The following SASH1 variants were observed in gnomAD, a reference collection of about 807,000 sequenced individuals.
SASH1 encodes SAM and SH3 domain-containing protein 1.
In SASH1, 44 loss-of-function variants were observed where a neutral mutation model predicts 125.2. The observed-to-expected ratio is 0.35, with a 90% confidence interval of 0.28 to 0.45. The LOEUF (loss-of-function observed/expected upper bound fraction) is 0.45, where lower values mean the gene tolerates loss of function less well. SASH1 is among the 20% of genes least tolerant of loss of function. The probability of loss-of-function intolerance (pLI) is 1.00; values close to 1 mark genes in which losing one functional copy is unlikely to be tolerated. For synonymous variants in SASH1, 639 were observed against 649.1 expected (o/e 0.98, Z 0.24); for missense variants, 1,426 against 1,614.5 (o/e 0.88, Z 2.00).
chr6:148,405,665 C>T (rs546752571), intron 2 of SASH1, among the ~76,000 whole-genome samples: 11 of 152,228 alleles, frequency 7.2e-5, no homozygotes, highest in African/African-American at 2.4e-4. Flanking sequence ...CTGCCTCTAC[C>T]GCCCAGATGA....
At chr6:148,455,624 A>C (rs1438585403) in intron 4 of SASH1, among the ~76,000 whole-genome samples, 1 of 152,194 alleles carries the variant, frequency 6.6e-6, no homozygotes, top group African/African-American at 2.4e-5. Context: ...GGAATTTAAA[A>C]ATGAGATCTG....
intron 7 of SASH1, among the ~76,000 whole-genome samples, chr6:148,485,790 C>T (rs1485680930): frequency 1.3e-5 from 2 of 152,206 alleles, no homozygotes; most frequent in Non-Finnish European, 2.9e-5. Context: ...GGCGCTACCA[C>T]ATCCTCAAGC....
chr6:148,356,311 C>T (rs1193244464), intron 1 of SASH1, among the ~76,000 whole-genome samples: 1 of 151,834 alleles, frequency 6.6e-6, no homozygotes, highest in Admixed American at 6.6e-5. Flanking sequence ...TCTCGAACTC[C>T]TGACCTTAGG....
At chr6:148,364,131 C>T (rs528401444) in intron 1 of SASH1, among the ~76,000 whole-genome samples, 1 of 152,322 alleles carries the variant, frequency 6.6e-6, no homozygotes, top group East Asian at 1.9e-4. Context: ...TGGTCCATTA[C>T]TGCCCATTAC....
At position 148,292,109 on chromosome 6, in the gene SASH1, G is replaced by A. The variant is rs569462139; in HGVS notation, n.74+19732G>A. Among the ~76,000 whole-genome samples, 6 of 152,316 alleles carry A rather than the reference G, an allele frequency of 3.9e-5. No homozygotes were observed. The South Asian group carries it at 1.0e-3, about 26-fold the overall frequency. On this transcript the variant is annotated intron_variant and non_coding_transcript_variant, in intron 1 of 3. Transcript: ENST00000367469. The stretch of plus-strand genomic sequence containing the variant: ...CTTTGTCAAATGTACTTAATGAAGT[G>A]TTTTTCAGGGTTACTTGAGATTAGA...
At chr6:148,352,415 A>G (rs1441625820) in intron 1 of SASH1, among the ~76,000 whole-genome samples, 2 of 151,678 alleles carry the variant, frequency 1.3e-5, no homozygotes, top group African/African-American at 2.4e-5. Flanking sequence ...TGGCCAACAT[A>G]GTGAAACCCC....
upstream of SASH1, among the ~76,000 whole-genome samples, chr6:148,339,595 C>T (rs953143782): frequency 3.3e-5 from 5 of 151,894 alleles, no homozygotes; most frequent in Admixed American, 6.6e-5. Flanking sequence ...CTCGCTCTGT[C>T]GTCCAGGCTG....
chr6:148,317,112 A>G (rs1031680334), intron 1 of SASH1, among the ~76,000 whole-genome samples: 2 of 152,208 alleles, frequency 1.3e-5, no homozygotes, highest in Non-Finnish European at 2.9e-5. Context: ...TGGAAAATCT[A>G]GAGATGAATA....
At chr6:148,296,134 T>C (rs1779756823) in intron 1 of SASH1, among the ~76,000 whole-genome samples, 1 of 151,888 alleles carries the variant, frequency 6.6e-6, no homozygotes, top group Non-Finnish European at 1.5e-5. Flanking sequence ...GTTTTTGTTG[T>C]TGTTGTTTTG....
Position 148,544,273 on chromosome 6 carries a change from C to T in SASH1, c.2803C>T (p.Gln935Ter), listed in dbSNP as rs777202918. 1 of 1,614,174 alleles carries T rather than the reference C, an allele frequency of 6.2e-7. No individual in the cohort carries two copies. Among genetic ancestry groups the T allele is most frequent in the East Asian group, 2.2e-5 (1 of 44,868 alleles). ...PQCLPRNYDAQPPGAKHGLAR... is the reference protein window; with the variant it reads ...PQCLPRNYDA The stretch of plus-strand genomic sequence containing the variant: ...GTGTTTGCCCAGAAACTATGATGCT[C>T]AGCCTCCTGGAGCTAAACACGGTTT... The change falls in exon 18 of 20, where the codon CAG becomes TAG. Residue 935 changes from glutamine (Q) to a stop codon, truncating the protein, a stop_gained. Transcript: ENST00000367467. LOFTEE classifies it high-confidence loss of function. This position sits in a 1 kb window ranked among gnomAD's most constrained non-coding sequence, Gnocchi z 6.4.
chr6:148,289,144 A>G (rs1003000731), intron 1 of SASH1, among the ~76,000 whole-genome samples: 1 of 152,032 alleles, frequency 6.6e-6, no homozygotes, highest in African/African-American at 2.4e-5. Context: ...ACTGTGTAAA[A>G]CGAAACAAAA....
chr6:148,302,524 T>G (rs1300829514), intron 1 of SASH1, among the ~76,000 whole-genome samples: 1 of 151,348 alleles, frequency 6.6e-6, no homozygotes, highest in Non-Finnish European at 1.5e-5. Context: ...CTCTGCTGTT[T>G]TTGTTACTTC....
chr6:148,484,997 T>C (rs41499949), intron 7 of SASH1, among the ~76,000 whole-genome samples: 10,275 of 152,060 alleles, frequency 0.068, 450 homozygotes, highest in Non-Finnish European at 0.097. Context: ...GGCACAGAAT[T>C]AAAATCTCTT....
chr6:148,256,126 A>G, the SASH1 span, among the ~76,000 whole-genome samples: 1 of 152,194 alleles, frequency 6.6e-6, no homozygotes, highest in Admixed American at 6.5e-5. Context: ...AGTTGGTCCC[A>G]TAGAAAATTT....
chr6:148,315,672 G>A (rs570348794), intron 1 of SASH1, among the ~76,000 whole-genome samples: 4 of 152,302 alleles, frequency 2.6e-5, no homozygotes, highest in African/African-American at 9.6e-5. Flanking sequence ...GGGAGGCCCA[G>A]GCGAGAGGAT....
intron 17 of SASH1, among the ~76,000 whole-genome samples, chr6:148,541,479 C>T (rs1162906601): frequency 1.3e-5 from 2 of 151,974 alleles, no homozygotes; most frequent in African/African-American, 4.8e-5. Context: ...TTAGCACTGT[C>T]ACTTGTAATC....
intron 8 of SASH1, among the ~76,000 whole-genome samples, chr6:148,502,695 C>A (rs1253044547): frequency 6.9e-6 from 1 of 144,150 alleles, no homozygotes; most frequent in African/African-American, 2.5e-5. Flanking sequence ...ATAAAAGCAA[C>A]AACATCAGCT....
intron 4 of SASH1, 47 bp from the exon 5 acceptor site, chr6:148,468,498 C>G (rs1188848196): frequency 2.7e-6 from 4 of 1,465,422 alleles, no homozygotes; most frequent in Non-Finnish European, 3.8e-6. Context: ...TCAGTTCTCC[C>G]ATGAAAGCAA....
chr6:148,524,283 G>A (rs1257568733), intron 10 of SASH1: 2 of 150,856 alleles, frequency 1.3e-5, no homozygotes, highest in Middle Eastern at 3.2e-3. Context: ...CTGTTCATTA[G>A]ACTTCTCTGA....
Sources: gnomAD v4.1 joint callset for allele counts (sites outside exome capture counted in the v4.1 genomes callset) on GRCh38, gnomAD v4.1.1 for gene constraint, Gnocchi (gnomAD v3.1) non-coding constraint, MANE v1.5 for transcripts, NCBI Gene and HGNC (gene_info 2026-07-23, HGNC 2026-07-21) for gene names.